Variants in MRPS12 observed in about 807,000 individuals in gnomAD.
MRPS12 encodes small ribosomal subunit protein uS12m.
In MRPS12, 7 loss-of-function variants were observed where a neutral mutation model predicts 8.4. The observed-to-expected ratio is 0.83, with a 90% CI of 0.47 to 1.56. MRPS12 has a LOEUF of 1.56. Among genes scored for constraint, MRPS12 ranks in the 40% most tolerant of loss-of-function variants. MRPS12 has a pLI of 0.01. For missense variants in MRPS12, 200 were observed against 194.1 expected, an observed-to-expected ratio of 1.03 and a Z score of -0.18; for synonymous variants, 84 against 84.1, an observed-to-expected ratio of 1.00 and a Z score of 0.01.
Position 38,932,669 on chromosome 19 carries a change from A to T in MRPS12, c.386A>T (p.Lys129Met), listed in dbSNP as rs1318509103. ...GTCAAGCTCACCGTTGTGCGTGGCA[A>T]GTACGACTGTGGCCACGTGCAGAAG... is the stretch of plus-strand genomic sequence containing the variant. ...PGVKLTVVRG[K>M]YDCGHVQKK The change falls in exon 3 of 3, where the codon AAG becomes ATG. Residue 129 changes from lysine to methionine, a missense_variant. Lys to Met is a moderately conservative substitution (Grantham distance 95). Transcript: ENST00000308018. The T allele has an allele frequency of 6.2e-7, 1 of 1,613,440 alleles. No homozygotes were observed. Among genetic ancestry groups the T allele is most frequent in the Non-Finnish European group, 8.5e-7 (1 of 1,179,994 alleles).
rs1055529653 is a variant in MRPS12 at position 38,931,506 on chromosome 19, G to A, written c.49+163G>A. On this transcript the variant is annotated intron_variant, in intron 2 of 2. Transcript: ENST00000308018. ...CTAGAGCAAGAGGTGGGAAGCAGCT[G>A]CATGGAGGGCTACTGCGTGTCAAGC... 4.5e-5 allele frequency: 25 copies of A among 549,516 alleles called. No homozygotes were observed. In the Admixed American group the frequency reaches 9.0e-4, roughly 20 times the overall value. 34.0% of individuals were successfully genotyped at this position (549,516 alleles called of 1,614,324 possible).
Position 38,932,444 on chromosome 19 carries a change from GC to G in MRPS12, c.163del (p.Arg55GlyfsTer4), listed in dbSNP as rs775975539. The part of the protein sequence containing the change: ...RPPRKLGPTE[G>X]RPQLKGVVLC... ...CCTCGGAAGCTGGGCCCCACGGAAG[GC>G]CGGCCGCAGCTGAAGGGTGTGGTCC... On this transcript the variant is annotated frameshift_variant, in exon 3 of 3. Transcript: ENST00000308018. LOFTEE classifies it high-confidence loss of function. 6.2e-7 allele frequency: 1 copy of G among 1,612,524 alleles called. No individual in the cohort carries two copies. The highest frequency in any genetic ancestry group is 8.5e-7 in the Non-Finnish European group (1 of 1,179,160).
Position 38,932,566 on chromosome 19 carries a change from A to G in MRPS12, c.283A>G (p.Ile95Val). ...LSTGREAVCF[I>V]PGEGHTLQEH... ...CACTGGCCGCGAGGCCGTCTGCTTC[A>G]TCCCTGGGGAGGGCCACACCCTGCA... The change falls in exon 3 of 3, where the codon ATC becomes GTC. Residue 95 changes from isoleucine (I) to valine (V), a missense_variant. Transcript: ENST00000308018. 1 of 1,613,380 alleles carries G rather than the reference A, an allele frequency of 6.2e-7. No individual in the cohort carries two copies. The highest frequency in any genetic ancestry group is 8.5e-7 in the Non-Finnish European group (1 of 1,179,670).
chr19:38,932,373 G>T lies in MRPS12; in HGVS notation c.90G>T (p.Met30Ile), dbSNP rs1247269347. The change falls in exon 3 of 3, where the codon ATG becomes ATT. Residue 30 changes from methionine (M) to isoleucine (I), a missense_variant. Met to Ile is a conservative substitution (Grantham distance 10, BLOSUM62 1). Transcript: ENST00000308018. ...CCCGGCTCTGGGCTACCTGCTCCAT[G>T]GCTACCCTGAACCAGATGCACCGCC... The part of the protein sequence containing the change: ...LVPRLWATCS[M>I]ATLNQMHRLG... The T allele has an allele frequency of 6.3e-7, 1 of 1,578,416 alleles. No homozygotes were observed.
rs143403017 is a variant in MRPS12, at chr19:38,930,991, C to G, written c.-27C>G. 5,180 of 599,488 alleles carry G rather than the reference C, an allele frequency of 8.6e-3. 36 individuals are homozygous for G. Among genetic ancestry groups the G allele is most frequent in the Non-Finnish European group, 0.012 (3,952 of 337,638 alleles). 37.1% of individuals were successfully genotyped at this position (599,488 alleles called of 1,614,324 possible). On this transcript the variant is annotated 5_prime_UTR_variant, in exon 1 of 3. Coordinates refer to ENST00000308018, the MANE Select transcript of MRPS12 (RefSeq NM_033362.4). ...CGTGTCCGCGACCTCACCTTTAGGTCCTGTGAGGTCGGTGGAATCCTGGGG... is the reference window on the plus strand; with the variant it reads ...CGTGTCCGCGACCTCACCTTTAGGTGCTGTGAGGTCGGTGGAATCCTGGGG...
chr19:38,932,357 G>A lies in MRPS12; in HGVS notation c.74G>A (p.Trp25Ter). ...TCGPALVPRL[W>*]ATCSMATLNQ... ...GGCCCAGCTCTGGTTCCCCGGCTCT[G>A]GGCTACCTGCTCCATGGCTACCCTG... Residue 25 changes from tryptophan (W) to a stop codon, truncating the protein, a stop_gained, in exon 3 of 3, where the codon TGG (tryptophan) becomes TAG (stop). Coordinates refer to ENST00000308018, the MANE Select transcript of MRPS12 (RefSeq NM_033362.4). LOFTEE classifies it high-confidence loss of function. 6.4e-7 allele frequency: 1 copy of A among 1,554,608 alleles called. No individual in the cohort carries two copies. Among genetic ancestry groups the A allele is most frequent in the Non-Finnish European group, 8.7e-7 (1 of 1,147,318 alleles).
rs369364166 is a variant in MRPS12, at chr19:38,932,730, C to T, written c.*30C>T. On this transcript the variant is annotated 3_prime_UTR_variant, in exon 3 of 3. Transcript: ENST00000308018. Reference sequence around the variant, plus strand: ...TGGGGGCACAGTGGGCTGGGCGCCCCTGCAGAACATGAACCTTCCGCTCCT... The same window carrying T: ...TGGGGGCACAGTGGGCTGGGCGCCCTTGCAGAACATGAACCTTCCGCTCCT... The T allele has an allele frequency of 5.1e-5, 82 of 1,604,498 alleles. 1 individual carries two copies. The African/African-American group carries it at 1.0e-3, about 20-fold the overall frequency.
Position 38,931,271 on chromosome 19 carries a change from C to G in MRPS12, c.-19-5C>G. 1 of 1,591,710 alleles carries G rather than the reference C, an allele frequency of 6.3e-7. No homozygotes were observed. The highest frequency in any genetic ancestry group is 1.4e-5 in the African/African-American group (1 of 73,740). On this transcript the variant is annotated splice_polypyrimidine_tract_variant and splice_region_variant and intron_variant, in intron 1 of 2. Transcript: ENST00000308018. ...CCTTTCTGAGTCTCTTATCCCCTAC[C>G]ACAGGGACGGCCCAGGTGGCAGGAT...
rs771412245 is a variant in MRPS12, at chr19:38,932,515, C to T, written c.232C>T (p.Arg78Cys). 4 of 1,613,064 alleles carry T rather than the reference C, an allele frequency of 2.5e-6. No homozygotes were observed. The highest frequency in any genetic ancestry group is 2.5e-6 in the Non-Finnish European group (3 of 1,179,302). Residue 78 changes from arginine to cysteine, a missense_variant, in exon 3 of 3, where the codon CGC (arginine) becomes TGC (cysteine). By Grantham distance (180) the Arg-to-Cys change is radical. Transcript: ENST00000308018. ...GCCGAAGAAGCCCAACTCAGCCAAT[C>T]GCAAGTGCTGTCGAGTGCGGCTCAG... ...RKPKKPNSAN[R>C]KCCRVRLSTG...
chr19:38,932,723 G>A lies in MRPS12; in HGVS notation c.*23G>A. ...TGACGGCTGGGGGCACAGTGGGCTG[G>A]GCGCCCCTGCAGAACATGAACCTTC... On this transcript the variant is annotated 3_prime_UTR_variant, in exon 3 of 3. Transcript: ENST00000308018. 1.2e-6 allele frequency: 2 copies of A among 1,607,250 alleles called. No individual in the cohort carries two copies. The highest frequency in any genetic ancestry group is 1.7e-6 in the Non-Finnish European group (2 of 1,178,602).
Position 38,932,753 on chromosome 19 carries a change from C to A in MRPS12, c.*53C>A. Reference sequence around the variant, plus strand: ...CCCTGCAGAACATGAACCTTCCGCTCCTGGCTGCCACAGGGTCCTCCGATG... The same window carrying A: ...CCCTGCAGAACATGAACCTTCCGCTACTGGCTGCCACAGGGTCCTCCGATG... On this transcript the variant is annotated 3_prime_UTR_variant, in exon 3 of 3. Transcript: ENST00000308018. 2 of 1,579,872 alleles carry A rather than the reference C, an allele frequency of 1.3e-6. No homozygotes were observed. Among genetic ancestry groups the A allele is most frequent in the Non-Finnish European group, 8.6e-7 (1 of 1,165,290 alleles).
At position 38,931,302 on chromosome 19, in the gene MRPS12, G is replaced by T. The variant is rs1319882446; in HGVS notation, c.8G>T (p.Trp3Leu). The T allele has an allele frequency of 4.4e-6, 7 of 1,605,646 alleles. No homozygotes were observed. Among genetic ancestry groups the T allele is most frequent in the Non-Finnish European group, 6.0e-6 (7 of 1,176,452 alleles). MSWSGLLHGLNTS... is the reference protein window; with the variant it reads MSLSGLLHGLNTS... Reference sequence around the variant, plus strand: ...GACGGCCCAGGTGGCAGGATGTCCTGGTCTGGCCTTCTCCATGGCCTCAAC... The same window carrying T: ...GACGGCCCAGGTGGCAGGATGTCCTTGTCTGGCCTTCTCCATGGCCTCAAC... The change falls in exon 2 of 3, where the codon TGG becomes TTG. Residue 3 changes from tryptophan (W) to leucine (L), a missense_variant. By Grantham distance (61) the Trp-to-Leu change is moderately conservative. Transcript: ENST00000308018.
At chr19:38,931,191 C>G (rs1234478425) in intron 1 of MRPS12, 85 bp from the exon 2 acceptor site, 1 of 1,078,472 alleles carries the variant, frequency 9.3e-7, no homozygotes, top group Non-Finnish European at 1.4e-6. Context: ...TTGATTTAAG[C>G]CAGAAAGTCC....
Position 38,932,975 on chromosome 19 carries a change from C to T in MRPS12, c.*275C>T, listed in dbSNP as rs992885770. 7.8e-5 allele frequency: 33 copies of T among 424,828 alleles called. 1 individual carries two copies. In the South Asian group the frequency reaches 1.1e-3, roughly 14 times the overall value. The allele number at this position is 424,828 out of a possible 1,614,324, so 26.3% of individuals were successfully genotyped here. On this transcript the variant is annotated 3_prime_UTR_variant, in exon 3 of 3. Coordinates refer to ENST00000308018, the MANE Select transcript of MRPS12 (RefSeq NM_033362.4). ...GGACAAGACACTGTACTGCCCTCTG[C>T]TGGGAAGGGGTTTTAATAAACAGAC...
rs1167030658 is a variant in MRPS12 at position 38,932,651 on chromosome 19, TCA to T, written c.370_371del (p.Thr124ArgfsTer93). The stretch of plus-strand genomic sequence containing the variant: ...ACCCAGGACCTGCCAGGCGTCAAGC[TCA>T]CCGTTGTGCGTGGCAAGTACGACTG... On this transcript the variant is annotated frameshift_variant, in exon 3 of 3. Coordinates refer to ENST00000308018, the MANE Select transcript of MRPS12 (RefSeq NM_033362.4). LOFTEE classifies it high-confidence loss of function. 1 of 1,613,718 alleles carries T rather than the reference TCA, an allele frequency of 6.2e-7. No homozygotes were observed. The highest frequency in any genetic ancestry group is 8.5e-7 in the Non-Finnish European group (1 of 1,179,996).
intron 2 of MRPS12, 74 bp downstream of exon 2, chr19:38,931,417 C>T (rs909441574): frequency 5.8e-6 from 8 of 1,389,022 alleles, no homozygotes; most frequent in Middle Eastern, 2.3e-4. Flanking sequence ...TGTGTGCCTC[C>T]GTCGGAGCCC....
Position 38,931,256 on chromosome 19 carries a change from T to C in MRPS12, c.-19-20T>C. The C allele has an allele frequency of 1.9e-6, 3 of 1,553,398 alleles. No homozygotes were observed. The highest frequency in any genetic ancestry group is 2.6e-6 in the Non-Finnish European group (3 of 1,153,420). On this transcript the variant is annotated intron_variant, in intron 1 of 2. Transcript: ENST00000308018. ...CGGTCACTTTTTCCTCCTTTCTGAGTCTCTTATCCCCTACCACAGGGACGG... is the reference window on the plus strand; with the variant it reads ...CGGTCACTTTTTCCTCCTTTCTGAGCCTCTTATCCCCTACCACAGGGACGG...
At chr19:38,931,060 C>G in intron 1 of MRPS12, 62 bp downstream of exon 1, 1 of 601,518 alleles carries the variant, frequency 1.7e-6, no homozygotes, top group South Asian at 2.0e-5. Context: ...CCCAGTTCTT[C>G]CTGCGTGCGG....
intron 1 of MRPS12, 101 bp downstream of exon 1, chr19:38,931,099 A>G: frequency 1.5e-6 from 1 of 647,386 alleles, no homozygotes. Context: ...TCGGGAACCC[A>G]CTCAGAGCGA....
Sources: gnomAD v4.1 joint callset for allele counts on GRCh38, gnomAD v4.1.1 for gene constraint, MANE v1.5 for transcripts, NCBI Gene and HGNC (gene_info 2026-07-23, HGNC 2026-07-21) for gene names.